The following SIPA1L2 variants were observed in gnomAD, a reference collection of about 807,000 sequenced individuals.
SIPA1L2 encodes signal-induced proliferation-associated 1-like protein 2.
A neutral mutation model predicts 163.9 loss-of-function variants in SIPA1L2; 56 were observed. The observed-to-expected ratio is 0.34, with a 90% confidence interval of 0.28 to 0.43. SIPA1L2 has a LOEUF of 0.43. Ranked by LOEUF, SIPA1L2 falls within the 20% of genes least tolerant of loss-of-function variation. SIPA1L2 has a pLI of 1.00. For missense variants in SIPA1L2, 1,974 were observed against 2,193.5 expected (o/e 0.90, Z 2.00); for synonymous variants, 877 against 865.7 (o/e 1.01, Z -0.23).
intron 1 of SIPA1L2, among the ~76,000 whole-genome samples, chr1:232,586,626 T>TA (rs1162778961): frequency 6.6e-6 from 1 of 152,238 alleles, no homozygotes; most frequent in African/African-American, 2.4e-5. Context: ...GAAGAATTTT[T>TA]AAAAAGCTTC....
chr1:232,595,660 A>G (rs1332048632), intron 1 of SIPA1L2, among the ~76,000 whole-genome samples: 2 of 152,194 alleles, frequency 1.3e-5, no homozygotes, highest in Non-Finnish European at 2.9e-5. Flanking sequence ...CCTGACTTTC[A>G]TATGAACTGT....
intron 19 of SIPA1L2, among the ~76,000 whole-genome samples, chr1:232,414,851 T>C (rs1463198778): frequency 2.0e-5 from 3 of 152,220 alleles, no homozygotes; most frequent in Non-Finnish European, 4.4e-5. Context: ...TTCCTTGTTT[T>C]GTCTACCTTT....
chr1:232,537,726 G>T (rs191173832), intron 2 of SIPA1L2, among the ~76,000 whole-genome samples: 1 of 152,204 alleles, frequency 6.6e-6, no homozygotes, highest in African/African-American at 2.4e-5. Flanking sequence ...TGTGAGCCTC[G>T]ATTCTCTCAT....
At chr1:232,408,027 T>G (rs1340529217) in intron 19 of SIPA1L2, among the ~76,000 whole-genome samples, 1 of 152,146 alleles carries the variant, frequency 6.6e-6, no homozygotes, top group Admixed American at 6.6e-5. Context: ...AAACTTGACA[T>G]GATTCTACGT....
rs1660592925 is a variant in SIPA1L2 at position 232,405,659 on chromosome 1, A to G, written c.4763-1481T>C. On this transcript the variant is annotated intron_variant, in intron 19 of 22. Coordinates refer to ENST00000674635, the MANE Select transcript of SIPA1L2 (RefSeq NM_020808.5). ...ACATTTTAAAAAATCTTTAGGAGAT[A>G]TATTTTTATTCCATAGTGACTTTAC... Among the ~76,000 whole-genome samples, 4 of 152,334 alleles carry G rather than the reference A, an allele frequency of 2.6e-5. No individual in the cohort carries two copies. The South Asian group carries it at 6.2e-4, about 24-fold the overall frequency.
rs147901807 is a variant in SIPA1L2 at position 232,481,848 on chromosome 1, C to G, written c.1981+1944G>C. On this transcript the variant is annotated intron_variant, in intron 6 of 22. Coordinates refer to ENST00000674635, the MANE Select transcript of SIPA1L2 (RefSeq NM_020808.5). ...AAAGGGAAATCCCAGATATTCTAGC[C>G]CAACATCCTGAACTTTCCTTGTGAG... 3.8e-3 allele frequency among the ~76,000 whole-genome samples: 576 copies of G among 152,234 alleles called. 4 individuals are homozygous for G. Among genetic ancestry groups the G allele is most frequent in the African/African-American group, 0.013 (556 of 41,540 alleles).
intron 1 of SIPA1L2, among the ~76,000 whole-genome samples, chr1:232,582,163 T>C (rs1660413090): frequency 6.6e-6 from 1 of 151,390 alleles, no homozygotes. Context: ...TCACTGTCTA[T>C]GCTTTTTCCA....
intron 19 of SIPA1L2, among the ~76,000 whole-genome samples, chr1:232,413,185 C>T (rs1661056633): frequency 6.6e-6 from 1 of 152,172 alleles, no homozygotes; most frequent in African/African-American, 2.4e-5. Flanking sequence ...AAGACTGAAG[C>T]CCAAATTAAT....
At chr1:232,482,750 TG>T (rs987683477) in intron 6 of SIPA1L2, among the ~76,000 whole-genome samples, 1 of 152,126 alleles carries the variant, frequency 6.6e-6, no homozygotes, top group African/African-American at 2.4e-5. Flanking sequence ...TGAGCAGACT[TG>T]GGGACAGGGC....
rs16857502 is a variant in SIPA1L2 at position 232,515,195 on chromosome 1, T to C, written c.145A>G (p.Thr49Ala). The C allele has an allele frequency of 3.4e-3, 5,409 of 1,614,098 alleles. 134 individuals carry two copies. The African/African-American group carries it at 0.054, about 16-fold the overall frequency. Reference protein sequence around the residue: ...KAINGNMGPTTSLNASNSNET... With the variant: ...KAINGNMGPTASLNASNSNET... ...TTGGAATTCGAGGCATTTAAAGAAG[T>C]AGTGGGTCCCATGTTGCCATTAATG... The change falls in exon 3 of 23, where the codon ACT becomes GCT. Residue 49 changes from threonine (T) to alanine (A), a missense_variant. Thr to Ala is a moderately conservative substitution (Grantham distance 58). Around this residue, in one of 3 missense-constraint regions of SIPA1L2, gnomAD observed 607 missense variants for 624.0 expected, o/e 0.97. Transcript: ENST00000674635.
At chr1:232,567,044 C>A (rs975123901) in intron 2 of SIPA1L2, among the ~76,000 whole-genome samples, 3 of 152,174 alleles carry the variant, frequency 2.0e-5, no homozygotes, top group African/African-American at 7.2e-5. Flanking sequence ...TAAAATACGA[C>A]TAATGGATGA....
chr1:232,501,060 T>TTTTTTTTTTTTTTTA (rs1666450778), intron 3 of SIPA1L2, among the ~76,000 whole-genome samples: 1 of 125,032 alleles, frequency 8.0e-6, no homozygotes, highest in Non-Finnish European at 1.7e-5. Flanking sequence ...ATTTTTTTTT[T>TTTTTTTTTTTTTTTA]TTTTTTTTTT....
At chr1:232,629,785 T>A (rs919347098) in intron 1 of SIPA1L2, among the ~76,000 whole-genome samples, 84 bp downstream of exon 1, 1 of 151,454 alleles carries the variant, frequency 6.6e-6, no homozygotes, top group African/African-American at 2.4e-5. Context: ...GGCATCCCCT[T>A]CCCCTTCGGG....
chr1:232,420,228 C>G (rs190952721), intron 18 of SIPA1L2, among the ~76,000 whole-genome samples: 114 of 152,178 alleles, frequency 7.5e-4, no homozygotes, highest in African/African-American at 2.6e-3. Flanking sequence ...GAGGCTGAGG[C>G]AGGAGAATTG....
At chr1:232,629,277 A>C (rs187882282) in intron 1 of SIPA1L2, among the ~76,000 whole-genome samples, 1 of 152,352 alleles carries the variant, frequency 6.6e-6, no homozygotes, top group African/African-American at 2.4e-5. Flanking sequence ...GGACGTGGGC[A>C]AACTACCCTC....
At chr1:232,408,233 G>C (rs1471859641) in intron 19 of SIPA1L2, among the ~76,000 whole-genome samples, 2 of 151,188 alleles carry the variant, frequency 1.3e-5, no homozygotes, top group Admixed American at 6.6e-5. Context: ...CTTACAGCAT[G>C]GGGGAGGCAC....
chr1:232,618,711 T>C (rs976057084), intron 1 of SIPA1L2, among the ~76,000 whole-genome samples: 4 of 151,754 alleles, frequency 2.6e-5, no homozygotes, highest in Admixed American at 2.6e-4. Flanking sequence ...ATCACTTCAG[T>C]GTATCAATTA....
intron 11 of SIPA1L2, among the ~76,000 whole-genome samples, chr1:232,444,374 C>CT (rs1396838383): frequency 3.9e-5 from 6 of 152,126 alleles, no homozygotes; most frequent in Non-Finnish European, 2.9e-5. Flanking sequence ...TGCAGATCCC[C>CT]TTCCTTCTAC....
At chr1:232,425,554 G>A (rs571706798) in intron 18 of SIPA1L2, 35 bp downstream of exon 18, 109 of 1,502,144 alleles carry the variant, frequency 7.3e-5, no homozygotes, top group Non-Finnish European at 5.6e-5. Flanking sequence ...GCCCACCCTC[G>A]GCGCTGGCCA....
Sources: allele counts gnomAD v4.1 joint callset (sites outside exome capture counted in the v4.1 genomes callset), GRCh38; gene constraint gnomAD v4.1.1; regional missense constraint gnomAD v4.1.1; transcripts MANE v1.5; gene names NCBI Gene and HGNC (gene_info 2026-07-23, HGNC 2026-07-21).